DAB1: variants seen among roughly 807,000 people sequenced by gnomAD.
DAB1 encodes DAB adaptor protein 1.
A neutral mutation model predicts 64.6 loss-of-function variants in DAB1; 15 were observed. The observed-to-expected ratio is 0.23, with a 90% CI of 0.16 to 0.36. The LOEUF is 0.36. DAB1 is among the 10% of genes least tolerant of loss of function. DAB1 has a pLI of 1.00. For missense variants in DAB1, 596 were observed against 706.7 expected (o/e 0.84, Z 1.78); for synonymous variants, 235 against 251.9 (o/e 0.93, Z 0.64).
At chr1:57,053,689 T>TATATATATATA (rs68039540) in intron 9 of DAB1, among the ~76,000 whole-genome samples, 3 of 33,306 alleles carry the variant, frequency 9.0e-5, no homozygotes, top group African/African-American at 3.1e-4. Flanking sequence ...TATATATATA[T>TATATATATATA]TTTTTTTTTT....
At chr1:58,037,086 T>C (rs544404532) in intron 5 of DAB1, among the ~76,000 whole-genome samples, 1 of 152,194 alleles carries the variant, frequency 6.6e-6, no homozygotes, top group South Asian at 2.1e-4. Context: ...CATCTTCCCT[T>C]AGACCGCTAT....
chr1:57,852,946 A>G (rs1456579549), intron 1 of DAB1, among the ~76,000 whole-genome samples: 1 of 152,162 alleles, frequency 6.6e-6, no homozygotes, highest in Non-Finnish European at 1.5e-5. Flanking sequence ...TATCTGTTGA[A>G]TGAGTGAATT....
intron 6 of DAB1, among the ~76,000 whole-genome samples, chr1:57,724,718 T>A (rs897124045): frequency 1.8e-4 from 27 of 152,268 alleles, no homozygotes; most frequent in African/African-American, 6.0e-4. Context: ...TGAGCAGACC[T>A]CTCTGAGAAT....
intron 7 of DAB1, among the ~76,000 whole-genome samples, chr1:57,519,405 G>C (rs1644499622): frequency 6.6e-6 from 1 of 152,124 alleles, no homozygotes; most frequent in Admixed American, 6.5e-5. Flanking sequence ...CTGCTATGTG[G>C]AGTCACCACC....
At chr1:57,478,894 C>A (rs1643975441) in intron 7 of DAB1, among the ~76,000 whole-genome samples, 1 of 152,066 alleles carries the variant, frequency 6.6e-6, no homozygotes, top group Non-Finnish European at 1.5e-5. Context: ...GCCACTGCGC[C>A]CGGCCCGGTT....
intron 4 of DAB1, among the ~76,000 whole-genome samples, chr1:58,282,851 G>T (rs1419767664): frequency 6.6e-6 from 1 of 152,218 alleles, no homozygotes; most frequent in South Asian, 2.1e-4. Context: ...GTCGGCAGCC[G>T]CTTCTGAAGC....
At chr1:58,448,789 G>C (rs1229584438) in intron 3 of DAB1, among the ~76,000 whole-genome samples, 5 of 152,206 alleles carry the variant, frequency 3.3e-5, no homozygotes, top group Non-Finnish European at 7.3e-5. Context: ...CTAAGTGACT[G>C]AGTAAAACGC....
intron 5 of DAB1, among the ~76,000 whole-genome samples, chr1:57,929,520 C>G (rs888979301): frequency 1.3e-5 from 2 of 152,132 alleles, no homozygotes; most frequent in African/African-American, 2.4e-5. Context: ...TTGCCCAACC[C>G]AAGGTCATCT....
intron 3 of DAB1, among the ~76,000 whole-genome samples, chr1:58,465,512 G>A (rs1645287710): frequency 6.6e-6 from 1 of 152,202 alleles, no homozygotes; most frequent in Non-Finnish European, 1.5e-5. Context: ...GGAGGCTACA[G>A]GCTCAGAGGA....
At chr1:57,758,048 C>T (rs1648900511) in intron 6 of DAB1, among the ~76,000 whole-genome samples, 1 of 152,094 alleles carries the variant, frequency 6.6e-6, no homozygotes, top group Non-Finnish European at 1.5e-5. Context: ...AATTCCTAGC[C>T]TCAAGCAATT....
rs369098784 is a variant in DAB1 at position 58,247,643 on chromosome 1, A to AT, written n.309+95708dup. Reference sequence around the variant, plus strand: ...TGGAATGTGTCTTGTGCAGTTTGAGATTTTCCTTTACATTTTTTCTAAGCC... The same window carrying AT: ...TGGAATGTGTCTTGTGCAGTTTGAGATTTTTCCTTTACATTTTTTCTAAGCC... On this transcript the variant is annotated intron_variant and non_coding_transcript_variant, in intron 4 of 20. Transcript: ENST00000485760. 1.5e-3 allele frequency among the ~76,000 whole-genome samples: 226 copies of AT among 151,994 alleles called. 1 individual carries two copies. The highest frequency in any genetic ancestry group is 4.9e-3 in the African/African-American group (202 of 41,446).
At chr1:57,104,418 A>C (rs185338817) in intron 4 of DAB1, among the ~76,000 whole-genome samples, 521 of 152,356 alleles carry the variant, frequency 3.4e-3, no homozygotes, top group South Asian at 1.0e-2. Context: ...CAATTTAAAA[A>C]TTTCAATTAA....
At chr1:57,803,509 G>T (rs1214761286) in intron 6 of DAB1, among the ~76,000 whole-genome samples, 1 of 152,244 alleles carries the variant, frequency 6.6e-6, no homozygotes, top group Non-Finnish European at 1.5e-5. Context: ...GGAGGGAAGA[G>T]TACATTGCAT....
intron 3 of DAB1, among the ~76,000 whole-genome samples, chr1:58,469,438 T>C (rs338238): frequency 0.88 from 134,008 of 152,162 alleles, 59,822 homozygotes; most frequent in African/African-American, 0.97. Flanking sequence ...TATCCCACTA[T>C]GACATTATTA....
chr1:58,235,649 C>T (rs34554929), intron 4 of DAB1, among the ~76,000 whole-genome samples: 2,224 of 152,270 alleles, frequency 0.015, 174 homozygotes, highest in Admixed American at 0.12. Flanking sequence ...TTGAAATCAT[C>T]CTGTATCAAC....
chr1:57,463,311 T>C (rs1225832750), intron 7 of DAB1, among the ~76,000 whole-genome samples: 1 of 152,176 alleles, frequency 6.6e-6, no homozygotes, highest in Non-Finnish European at 1.5e-5. Context: ...TATTGCTATG[T>C]TTGGAAATAT....
intron 2 of DAB1, among the ~76,000 whole-genome samples, chr1:57,282,452 T>C (rs1363720905): frequency 6.6e-6 from 1 of 152,004 alleles, no homozygotes; most frequent in Non-Finnish European, 1.5e-5. Context: ...ACAGTACAAG[T>C]TCAAGGAGGA....
intron 4 of DAB1, among the ~76,000 whole-genome samples, chr1:58,172,469 G>A (rs373916895): frequency 2.0e-5 from 3 of 152,192 alleles, no homozygotes; most frequent in Non-Finnish European, 1.5e-5. Flanking sequence ...ATGGCTATCA[G>A]ACAACTGCCT....
At chr1:57,060,399 C>T (rs1650270066) in intron 9 of DAB1, among the ~76,000 whole-genome samples, 1 of 152,046 alleles carries the variant, frequency 6.6e-6, no homozygotes, top group South Asian at 2.1e-4. Flanking sequence ...ATCTGCTCGC[C>T]TCGGCCTCCC....
Sources: gnomAD v4.1 joint callset for allele counts (sites outside exome capture counted in the v4.1 genomes callset) on GRCh38, gnomAD v4.1.1 for gene constraint, MANE v1.5 for transcripts, NCBI Gene and HGNC (gene_info 2026-07-23, HGNC 2026-07-21) for gene names.